The following ELP1 variants were observed in gnomAD, a reference collection of about 807,000 sequenced individuals.
ELP1 encodes elongator acetyltransferase complex subunit 1.
In ELP1, 131 loss-of-function variants were observed where a neutral mutation model predicts 183.2. The observed-to-expected ratio is 0.72, with a 90% CI of 0.62 to 0.83. ELP1 has a LOEUF of 0.83. Ranked by LOEUF, ELP1 falls within the 40% of genes least tolerant of loss-of-function variation. The probability of loss-of-function intolerance (pLI) is 0.00; values close to 1 mark genes in which losing one functional copy is unlikely to be tolerated. For synonymous variants in ELP1, 555 were observed against 569.0 expected, an observed-to-expected ratio of 0.98 and a Z score of 0.35; for missense variants, 1,550 against 1,594.9, an observed-to-expected ratio of 0.97 and a Z score of 0.48.
intron 5 of ELP1, among the ~76,000 whole-genome samples, chr9:108,924,156 C>A (rs902060435): frequency 6.6e-6 from 1 of 152,190 alleles, no homozygotes; most frequent in Admixed American, 6.5e-5. Context: ...GATGCGGTTA[C>A]AGCAGGGATT....
chr9:108,926,641 G>A (rs1224354002), intron 4 of ELP1, 38 bp from the exon 5 acceptor site: 2 of 1,551,972 alleles, frequency 1.3e-6, no homozygotes, highest in Non-Finnish European at 1.8e-6. Flanking sequence ...TTGTTTTCAT[G>A]TAACAAATTT....
At chr9:108,869,699 G>C (rs893480138) in intron 36 of ELP1, among the ~76,000 whole-genome samples, 1 of 152,012 alleles carries the variant, frequency 6.6e-6, no homozygotes, top group African/African-American at 2.4e-5. Context: ...GGAGAGAGAG[G>C]GTTAGGAAAA....
In ELP1 at chr9:108,911,214, A is replaced by G. The variant is rs190383859; in HGVS notation, c.1190-34T>C. On this transcript the variant is annotated intron_variant, in intron 11 of 36. Coordinates refer to ENST00000374647, the MANE Select transcript of ELP1 (RefSeq NM_003640.5). The stretch of plus-strand genomic sequence containing the variant: ...AAAAAGAAAGAAGAGGATTAGACCT[A>G]GGGATATTCAATTTGTAAGATAAGC... 2.0e-3 allele frequency: 3,254 copies of G among 1,601,016 alleles called. 12 individuals are homozygous for G. The highest frequency in any genetic ancestry group is 7.8e-3 in the Middle Eastern group (47 of 6,040).
rs1207306155 is a variant in ELP1, at chr9:108,869,064, G to C, written c.*51C>G. 6.7e-7 allele frequency: 1 copy of C among 1,503,532 alleles called. No homozygotes were observed. The highest frequency in any genetic ancestry group is 9.3e-7 in the Non-Finnish European group (1 of 1,078,864). 93.1% of individuals were successfully genotyped at this position (1,503,532 alleles called of 1,614,324 possible). A position where few individuals can be genotyped will look rare whatever the true frequency, so the allele number is the denominator to read the frequency against. Reference sequence around the variant, plus strand: ...AAGAGCAAGGGGTGGTAGGACAACAGGAATGAGTGGAAATGGTCTTCTCTG... The same window carrying C: ...AAGAGCAAGGGGTGGTAGGACAACACGAATGAGTGGAAATGGTCTTCTCTG... On this transcript the variant is annotated 3_prime_UTR_variant, in exon 37 of 37. Coordinates refer to ENST00000374647, the MANE Select transcript of ELP1 (RefSeq NM_003640.5).
chr9:108,884,945 G>A (rs1448130055), intron 29 of ELP1, among the ~76,000 whole-genome samples: 1 of 152,010 alleles, frequency 6.6e-6, no homozygotes, highest in Non-Finnish European at 1.5e-5. Flanking sequence ...GCCAGGCATG[G>A]TGGCATGCAC....
At chr9:108,908,460 C>T in intron 12 of ELP1, 56 bp from the exon 13 acceptor site, 1 of 1,300,934 alleles carries the variant, frequency 7.7e-7, no homozygotes. Flanking sequence ...TCACCTAATA[C>T]TAAGGGGATG....
chr9:108,921,432 G>A (rs1014976594), intron 6 of ELP1, among the ~76,000 whole-genome samples: 2 of 152,186 alleles, frequency 1.3e-5, no homozygotes, highest in Non-Finnish European at 2.9e-5. Flanking sequence ...TAACATGTAT[G>A]AGTAAAGTGC....
intron 6 of ELP1, among the ~76,000 whole-genome samples, chr9:108,919,569 T>TAA (rs879836091): frequency 2.1e-5 from 3 of 140,596 alleles, no homozygotes; most frequent in Admixed American, 7.1e-5. Flanking sequence ...CTTTCGGCAT[T>TAA]AAAAAAAAAA....
chr9:108,868,709 A>C lies in ELP1; in HGVS notation c.*406T>G, dbSNP rs1269753130. 2 of 504,550 alleles carry C rather than the reference A, an allele frequency of 4.0e-6. No individual in the cohort carries two copies. Among genetic ancestry groups the C allele is most frequent in the African/African-American group, 3.8e-5 (2 of 52,068 alleles). 31.3% of individuals were successfully genotyped at this position (504,550 alleles called of 1,614,324 possible). A position where few individuals can be genotyped will look rare whatever the true frequency, so the allele number is the denominator to read the frequency against. On this transcript the variant is annotated 3_prime_UTR_variant, in exon 37 of 37. Coordinates refer to ENST00000374647, the MANE Select transcript of ELP1 (RefSeq NM_003640.5). ...GCTATTTAAGTGATTACATTTGACC[A>C]AATGTAGCACTAATAGCCATTGTAA...
chr9:108,929,489 A>G (rs1004654093), intron 3 of ELP1, among the ~76,000 whole-genome samples: 1 of 152,262 alleles, frequency 6.6e-6, no homozygotes, highest in Non-Finnish European at 1.5e-5. Context: ...TCTACACCAC[A>G]TAAGAATAGC....
At chr9:108,874,801 C>T (rs1564208690) in intron 36 of ELP1, 94 bp downstream of exon 36, 7 of 865,400 alleles carry the variant, frequency 8.1e-6, no homozygotes, top group Admixed American at 3.6e-5. Context: ...AAAATTGTAT[C>T]CAATCTCTCC....
At chr9:108,909,324 C>T (rs528186204) in intron 12 of ELP1, among the ~76,000 whole-genome samples, 1 of 152,142 alleles carries the variant, frequency 6.6e-6, no homozygotes, top group East Asian at 1.9e-4. Flanking sequence ...TTTTCTAGTA[C>T]AACAAGCCAA....
At chr9:108,873,540 A>C (rs981135094) in intron 36 of ELP1, among the ~76,000 whole-genome samples, 1 of 152,234 alleles carries the variant, frequency 6.6e-6, no homozygotes, top group African/African-American at 2.4e-5. Flanking sequence ...GAAAACAAGA[A>C]AGTGCTCTTT....
At chr9:108,901,204 A>C (rs1339612544) in intron 18 of ELP1, among the ~76,000 whole-genome samples, 1 of 152,226 alleles carries the variant, frequency 6.6e-6, no homozygotes, top group Admixed American at 6.5e-5. Flanking sequence ...GTGCTGCTTA[A>C]GGAAGGAACT....
At chr9:108,879,120 T>G (rs1270340039) in intron 33 of ELP1, among the ~76,000 whole-genome samples, 1 of 152,212 alleles carries the variant, frequency 6.6e-6, no homozygotes, top group Non-Finnish European at 1.5e-5. Context: ...AGCTTATCTT[T>G]TCATTTTTTC....
chr9:108,920,840 T>C (rs1273222013), intron 6 of ELP1, among the ~76,000 whole-genome samples: 1 of 152,116 alleles, frequency 6.6e-6, no homozygotes, highest in African/African-American at 2.4e-5. Context: ...GTACATTAGA[T>C]AACAGGATGC....
chr9:108,917,081 A>G (rs7874201), intron 9 of ELP1, among the ~76,000 whole-genome samples: 9,115 of 152,288 alleles, frequency 0.06, 930 homozygotes, highest in African/African-American at 0.21. Context: ...TGGAAAAACA[A>G]TATTTTATTA....
Position 108,898,496 on chromosome 9 carries a change from A to C in ELP1, c.2363+6T>G. 1 of 1,456,602 alleles carries C rather than the reference A, an allele frequency of 6.9e-7. No homozygotes were observed. The highest frequency in any genetic ancestry group is 2.3e-5 in the East Asian group (1 of 43,912). 90.2% of individuals were successfully genotyped at this position (1,456,602 alleles called of 1,614,324 possible). A position where few individuals can be genotyped will look rare whatever the true frequency, so the allele number is the denominator to read the frequency against. On this transcript the variant is annotated splice_donor_region_variant and intron_variant, in intron 22 of 36. Transcript: ENST00000374647. ...AAGATACACATGAATTATTCAAAAT[A>C]CTTACTTCAATTCTGTAAAAAACAA... is the stretch of plus-strand genomic sequence containing the variant.
intron 27 of ELP1, among the ~76,000 whole-genome samples, chr9:108,892,424 T>C (rs1828375725): frequency 1.3e-5 from 2 of 151,906 alleles, no homozygotes; most frequent in South Asian, 2.1e-4. Flanking sequence ...AAACTGAAAA[T>C]GGTGATGCTG....
Sources: allele counts gnomAD v4.1 joint callset (sites outside exome capture counted in the v4.1 genomes callset), GRCh38; gene constraint gnomAD v4.1.1; transcripts MANE v1.5; gene names NCBI Gene and HGNC (gene_info 2026-07-23, HGNC 2026-07-21).